Variants in PRKD1 observed in about 807,000 individuals in gnomAD.
PRKD1 encodes protein kinase D1, also known as serine/threonine-protein kinase D1.
Under a neutral mutation model 95.9 loss-of-function variants are expected in PRKD1, and 63 were observed. The ratio of observed to expected loss-of-function variants is 0.66; its 90% CI spans 0.54 to 0.81. The LOEUF is 0.81. PRKD1 is among the 30% of genes least tolerant of loss of function. PRKD1 has a pLI of 0.00. For synonymous variants in PRKD1, 425 were observed against 423.1 expected (o/e 1.00, Z -0.05); for missense variants, 1,048 against 1,165.3 (o/e 0.90, Z 1.47).
chr14:29,868,767 G>A (rs1893000004), intron 1 of PRKD1, among the ~76,000 whole-genome samples: 1 of 152,054 alleles, frequency 6.6e-6, no homozygotes, highest in Non-Finnish European at 1.5e-5. Flanking sequence ...CTTTTGCTTT[G>A]CAAATGTTTT....
In PRKD1 at chr14:29,810,024, G is replaced by GCCTA. The variant is rs1890413374; in HGVS notation, c.265-84354_265-84351dup. Among the ~76,000 whole-genome samples, 3 of 152,240 alleles carry GCCTA rather than the reference G, an allele frequency of 2.0e-5. No homozygotes were observed. The South Asian group carries it at 6.2e-4, about 32-fold the overall frequency. The stretch of plus-strand genomic sequence containing the variant: ...ATATTGTTTATCAGGGAATAGAGAG[G>GCCTA]CCTAAACAGAAGGAGGGAGATGAGG... On this transcript the variant is annotated intron_variant, in intron 1 of 17. Transcript: ENST00000331968.
At chr14:29,735,980 C>G (rs747355516) in intron 1 of PRKD1, among the ~76,000 whole-genome samples, 46 of 152,054 alleles carry the variant, frequency 3.0e-4, no homozygotes, top group Non-Finnish European at 6.2e-4. Context: ...CTATATTTTT[C>G]AATGAAGATA....
At chr14:29,672,352 AAAATAAAAT>A (rs1882908591) in intron 2 of PRKD1, among the ~76,000 whole-genome samples, 1 of 147,888 alleles carries the variant, frequency 6.8e-6, no homozygotes, top group Non-Finnish European at 1.5e-5. Flanking sequence ...AAAAAAAAAT[AAAATAAAAT>A]AAAATAAAAT....
chr14:29,703,647 G>T (rs1367968970), intron 2 of PRKD1, among the ~76,000 whole-genome samples: 1 of 152,128 alleles, frequency 6.6e-6, no homozygotes, highest in Non-Finnish European at 1.5e-5. Flanking sequence ...AAGATGATAA[G>T]ATTTACGTGT....
At chr14:29,845,628 C>T (rs1202150153) in intron 1 of PRKD1, among the ~76,000 whole-genome samples, 2 of 152,054 alleles carry the variant, frequency 1.3e-5, no homozygotes, top group African/African-American at 4.8e-5. Flanking sequence ...GCATATTTTG[C>T]TAACTTGATA....
chr14:29,894,084 T>C (rs1236357967), intron 1 of PRKD1, among the ~76,000 whole-genome samples: 1 of 152,104 alleles, frequency 6.6e-6, no homozygotes, highest in African/African-American at 2.4e-5. Context: ...GAGTATATAA[T>C]TAGGGAAGGT....
chr14:29,719,899 G>A (rs1198356623), intron 2 of PRKD1, among the ~76,000 whole-genome samples: 1 of 152,132 alleles, frequency 6.6e-6, no homozygotes, highest in African/African-American at 2.4e-5. Context: ...GATGCTCAGA[G>A]AGGGGAAAAA....
intron 1 of PRKD1, among the ~76,000 whole-genome samples, chr14:29,853,634 CG>C (rs1892388580): frequency 6.6e-6 from 1 of 152,178 alleles, no homozygotes; most frequent in African/African-American, 2.4e-5. Flanking sequence ...AAGTTTCTGA[CG>C]CTAAGTTACA....
chr14:29,812,967 AGGCAT>A (rs1000998712), intron 1 of PRKD1, among the ~76,000 whole-genome samples: 1 of 152,084 alleles, frequency 6.6e-6, no homozygotes, highest in African/African-American at 2.4e-5. Flanking sequence ...AAAATTAGCC[AGGCAT>A]GGTGTCACAT....
In PRKD1 at chr14:29,676,053, C is replaced by A. The variant is rs531576767; in HGVS notation, c.404-9845G>T. On this transcript the variant is annotated intron_variant, in intron 2 of 17. Transcript: ENST00000331968. ...AAATGACGCGTTAATGGGTGCAGCA[C>A]ACCAACATGGCATATGTAACAAACC... Among the ~76,000 whole-genome samples the A allele has an allele frequency of 3.2e-4, 49 of 151,806 alleles. No individual in the cohort carries two copies. The East Asian group carries it at 3.3e-3, about 10-fold the overall frequency.
At chr14:29,819,469 T>C (rs1594547191) in intron 1 of PRKD1, among the ~76,000 whole-genome samples, 1 of 152,068 alleles carries the variant, frequency 6.6e-6, no homozygotes, top group East Asian at 1.9e-4. Context: ...GGCAGGCGGA[T>C]CACGAGGTCA....
chr14:29,726,878 T>C (rs779290654), intron 1 of PRKD1, among the ~76,000 whole-genome samples: 2 of 152,160 alleles, frequency 1.3e-5, no homozygotes, highest in Non-Finnish European at 2.9e-5. Context: ...TTATTTTTTT[T>C]AGAAATATGT....
chr14:29,668,947 G>A (rs1882681807), intron 2 of PRKD1, among the ~76,000 whole-genome samples: 1 of 152,148 alleles, frequency 6.6e-6, no homozygotes, highest in South Asian at 2.1e-4. Context: ...TCTGAACTGA[G>A]GCAGTCCTGA....
chr14:29,768,314 TAAC>T (rs1331143552), intron 1 of PRKD1, among the ~76,000 whole-genome samples: 27 of 152,236 alleles, frequency 1.8e-4, no homozygotes, highest in African/African-American at 6.0e-4. Flanking sequence ...GTTAACTATT[TAAC>T]AAGAGATGTC....
At chr14:29,773,654 ATACAATATTTC>A (rs1888609402) in intron 1 of PRKD1, among the ~76,000 whole-genome samples, 1 of 152,146 alleles carries the variant, frequency 6.6e-6, no homozygotes, top group Non-Finnish European at 1.5e-5. Context: ...ATCTTATTTG[ATACAATATTTC>A]TACAGAAAAG....
chr14:29,922,959 C>T (rs980876299), intron 1 of PRKD1, among the ~76,000 whole-genome samples: 2 of 151,538 alleles, frequency 1.3e-5, no homozygotes, highest in Non-Finnish European at 2.9e-5. Context: ...TGGCTCACAC[C>T]CAGTGGGATT....
At chr14:29,749,768 A>G (rs1274671991) in intron 1 of PRKD1, among the ~76,000 whole-genome samples, 1 of 152,160 alleles carries the variant, frequency 6.6e-6, no homozygotes, top group East Asian at 1.9e-4. Flanking sequence ...AGGAGATGAT[A>G]TTTAAAAAAA....
At position 29,789,762 on chromosome 14, in the gene PRKD1, C is replaced by T. The variant is rs78922677; in HGVS notation, c.265-64088G>A. ...AAGGGTGGGTATATTGTCAGGCCCC[C>T]GGACAGGAAGTGCAGCCAGTAGTGC... On this transcript the variant is annotated intron_variant, in intron 1 of 17. Transcript: ENST00000331968. Among the ~76,000 whole-genome samples the T allele has an allele frequency of 8.9e-3, 1,354 of 152,122 alleles. 18 individuals are homozygous for T. The highest frequency in any genetic ancestry group is 0.032 in the African/African-American group (1,308 of 41,472).
intron 1 of PRKD1, among the ~76,000 whole-genome samples, chr14:29,923,034 C>A (rs1050232136): frequency 2.0e-5 from 3 of 151,844 alleles, no homozygotes; most frequent in African/African-American, 7.3e-5. Context: ...AGTTCCAGAC[C>A]AGCCTGGGCA....
Sources: gnomAD v4.1 joint callset for allele counts (sites outside exome capture counted in the v4.1 genomes callset) on GRCh38, gnomAD v4.1.1 for gene constraint, MANE v1.5 for transcripts, NCBI Gene and HGNC (gene_info 2026-07-23, HGNC 2026-07-21) for gene names.